Variants in RHBDD1 observed in about 807,000 individuals in gnomAD.
The protein encoded by RHBDD1 is rhomboid-related protein 4.
A neutral mutation model predicts 36.3 loss-of-function variants in RHBDD1; 38 were observed. That is an observed-to-expected ratio of 1.05 (90% CI 0.81 to 1.37). The LOEUF is 1.37. Ranked by LOEUF, RHBDD1 falls within the 40% of genes most tolerant of loss-of-function variation. The pLI, the probability that RHBDD1 is intolerant of heterozygous loss-of-function variation, is 0.00. For synonymous variants in RHBDD1, 151 were observed against 136.5 expected (o/e 1.11, Z -0.74); for missense variants, 393 against 377.6 (o/e 1.04, Z -0.34).
At chr2:226,802,228 A>T in the RHBDD1 span, among the ~76,000 whole-genome samples, 1 of 152,232 alleles carries the variant, frequency 6.6e-6, no homozygotes, top group African/African-American at 2.4e-5. Context: ...TTTCTGCTTT[A>T]AAAAACACAA....
At chr2:226,968,457 C>A (rs537408401) in intron 8 of RHBDD1, among the ~76,000 whole-genome samples, 1 of 152,242 alleles carries the variant, frequency 6.6e-6, no homozygotes, top group East Asian at 1.9e-4. Context: ...GCCTTTTAAC[C>A]GATTGAATCA....
the RHBDD1 span, among the ~76,000 whole-genome samples, chr2:226,801,289 G>T: frequency 6.6e-6 from 1 of 152,214 alleles, no homozygotes; most frequent in African/African-American, 2.4e-5. Context: ...TGATTGGTGG[G>T]ATGGCCTGTT....
At chr2:226,812,509 A>G in the RHBDD1 span, among the ~76,000 whole-genome samples, 3 of 152,376 alleles carry the variant, frequency 2.0e-5, no homozygotes, top group East Asian at 5.8e-4. Flanking sequence ...TAAATGATTT[A>G]TACTACCTTT....
intron 5 of RHBDD1, chr2:226,895,622 C>G (rs1230814439): frequency 2.1e-6 from 2 of 971,224 alleles, no homozygotes; most frequent in South Asian, 4.8e-5. Context: ...ATTTCACTTA[C>G]CTTTGCTTTT....
chr2:226,811,412 G>C, the RHBDD1 span, among the ~76,000 whole-genome samples: 1 of 152,160 alleles, frequency 6.6e-6, no homozygotes, highest in Non-Finnish European at 1.5e-5. Context: ...AGCGATTCTA[G>C]CGCCTCAGCC....
At chr2:226,853,917 A>C (rs911750024) in intron 3 of RHBDD1, among the ~76,000 whole-genome samples, 3 of 152,234 alleles carry the variant, frequency 2.0e-5, no homozygotes, top group Non-Finnish European at 4.4e-5. Context: ...GGGCAGCTGG[A>C]CAGTTAAGTG....
At position 226,995,691 on chromosome 2, in the gene RHBDD1, T is replaced by C; in HGVS notation, c.*169T>C. On this transcript the variant is annotated 3_prime_UTR_variant, in exon 9 of 9. Transcript: ENST00000392062. The stretch of plus-strand genomic sequence containing the variant: ...AGTCCCATGGCCCCTATGAGTCAAC[T>C]CACAGCTTGCGGGGAGTGGGCCTTC... 1.6e-6 allele frequency: 1 copy of C among 611,344 alleles called. No homozygotes were observed. The highest frequency in any genetic ancestry group is 2.9e-6 in the Non-Finnish European group (1 of 340,308). 37.9% of individuals were successfully genotyped at this position (611,344 alleles called of 1,614,324 possible).
chr2:226,913,350 A>G (rs186423359), intron 7 of RHBDD1, among the ~76,000 whole-genome samples: 3 of 152,344 alleles, frequency 2.0e-5, no homozygotes, highest in East Asian at 1.9e-4. Context: ...GAAAAAATCA[A>G]ACAGACTATT....
In RHBDD1 at chr2:226,954,377, A is replaced by C. The variant is rs181605911; in HGVS notation, c.856+40026A>C. Among the ~76,000 whole-genome samples, 35 of 152,356 alleles carry C rather than the reference A, an allele frequency of 2.3e-4. 1 individual carries two copies. The highest frequency in any genetic ancestry group is 2.2e-3 in the Admixed American group (34 of 15,302). ...CTACTATGATCAAGAGAATGTGCTT[A>C]TGGATTTAAGAACCCATGATTTAAT... On this transcript the variant is annotated intron_variant, in intron 8 of 8. Transcript: ENST00000392062.
At chr2:226,903,805 A>G (rs567370698) in intron 5 of RHBDD1, among the ~76,000 whole-genome samples, 6 of 152,270 alleles carry the variant, frequency 3.9e-5, no homozygotes, top group Non-Finnish European at 8.8e-5. Context: ...CTGTATCCAT[A>G]TAAACCTGAG....
At chr2:226,846,669 G>A (rs1037930221) in intron 3 of RHBDD1, among the ~76,000 whole-genome samples, 9 of 151,328 alleles carry the variant, frequency 5.9e-5, no homozygotes, top group Admixed American at 2.0e-4. Flanking sequence ...GCTTGAACCC[G>A]GGAGTGATTC....
chr2:226,918,522 GT>G (rs1949081656), intron 8 of RHBDD1, among the ~76,000 whole-genome samples: 1 of 151,866 alleles, frequency 6.6e-6, no homozygotes, highest in Non-Finnish European at 1.5e-5. Context: ...CCATGAGTTT[GT>G]TTTAATTTAT....
intron 6 of RHBDD1, among the ~76,000 whole-genome samples, chr2:226,907,573 G>A (rs1377801054): frequency 6.7e-6 from 1 of 149,310 alleles, no homozygotes; most frequent in Admixed American, 6.7e-5. Context: ...TTTTATTCAT[G>A]GGAAGTCTTC....
At chr2:226,832,774 G>A (rs1258495996), upstream of RHBDD1, among the ~76,000 whole-genome samples, 1 of 152,102 alleles carries the variant, frequency 6.6e-6, no homozygotes, top group African/African-American at 2.4e-5. Context: ...TTGGGAGGCC[G>A]AGACAGGTGG....
intron 5 of RHBDD1, among the ~76,000 whole-genome samples, chr2:226,890,531 AAT>A (rs1224728723): frequency 6.6e-6 from 1 of 152,136 alleles, no homozygotes; most frequent in East Asian, 1.9e-4. Context: ...CTGGAGCTGA[AAT>A]AGAGTGTTTA....
At chr2:226,947,732 CA>C (rs1243914604) in intron 8 of RHBDD1, among the ~76,000 whole-genome samples, 1 of 152,088 alleles carries the variant, frequency 6.6e-6, no homozygotes, top group East Asian at 1.9e-4. Flanking sequence ...AAGAAAAAAA[CA>C]ACCCCATCAA....
At chr2:226,937,133 T>G (rs1396080013) in intron 8 of RHBDD1, among the ~76,000 whole-genome samples, 1 of 152,166 alleles carries the variant, frequency 6.6e-6, no homozygotes, top group Non-Finnish European at 1.5e-5. Flanking sequence ...CACATATAAT[T>G]GAAGAAAACT....
intron 3 of RHBDD1, among the ~76,000 whole-genome samples, chr2:226,846,474 T>C (rs1942225708): frequency 6.6e-6 from 1 of 152,180 alleles, no homozygotes; most frequent in Admixed American, 6.5e-5. Context: ...CCGCGTACAG[T>C]GTCTCACGCC....
chr2:226,878,246 A>G (rs1945409009), intron 5 of RHBDD1, among the ~76,000 whole-genome samples: 1 of 151,160 alleles, frequency 6.6e-6, no homozygotes, highest in African/African-American at 2.4e-5. Flanking sequence ...GTACAATTAT[A>G]TACAATCACT....
Sources: allele counts gnomAD v4.1 joint callset (sites outside exome capture counted in the v4.1 genomes callset), GRCh38; gene constraint gnomAD v4.1.1; transcripts MANE v1.5; gene names NCBI Gene and HGNC (gene_info 2026-07-23, HGNC 2026-07-21).